KCNQ4: variants seen among roughly 807,000 people sequenced by gnomAD.
The protein encoded by KCNQ4 is potassium voltage-gated channel subfamily Q member 4, also known as potassium voltage-gated channel subfamily KQT member 4.
Under a neutral mutation model 72.6 loss-of-function variants are expected in KCNQ4, and 31 were observed. The observed-to-expected ratio is 0.43, with a 90% CI of 0.32 to 0.58. KCNQ4 has a LOEUF of 0.58. KCNQ4 is among the 20% of genes least tolerant of loss of function. KCNQ4 has a pLI of 0.08. For missense variants in KCNQ4, 869 were observed against 962.6 expected, an observed-to-expected ratio of 0.90 and a Z score of 1.29; for synonymous variants, 405 against 403.7, an observed-to-expected ratio of 1.00 and a Z score of -0.04.
At position 40,838,631 on chromosome 1, in the gene KCNQ4, G is replaced by T; in HGVS notation, c.*108G>T. 9.4e-7 allele frequency: 1 copy of T among 1,061,198 alleles called. No homozygotes were observed. The highest frequency in any genetic ancestry group is 1.4e-6 in the Non-Finnish European group (1 of 693,262). 65.7% of individuals were successfully genotyped at this position (1,061,198 alleles called of 1,614,324 possible). ...TCGTACTTGAACTCACTCCCTCACGGGGAGAGAGACCACACGCAGTATTGA... is the reference window on the plus strand; with the variant it reads ...TCGTACTTGAACTCACTCCCTCACGTGGAGAGAGACCACACGCAGTATTGA... On this transcript the variant is annotated 3_prime_UTR_variant, in exon 14 of 14. Coordinates refer to ENST00000347132, the MANE Select transcript of KCNQ4 (RefSeq NM_004700.4).
intron 8 of KCNQ4, among the ~76,000 whole-genome samples, chr1:40,822,658 G>A (rs1648340555): frequency 6.6e-6 from 1 of 152,204 alleles, no homozygotes; most frequent in Non-Finnish European, 1.5e-5. Context: ...CCCGGCCCTG[G>A]AGTGCTGGCA....
At chr1:40,825,551 G>A (rs1648449845) in intron 9 of KCNQ4, among the ~76,000 whole-genome samples, 1 of 143,842 alleles carries the variant, frequency 7.0e-6, no homozygotes, top group South Asian at 2.1e-4. Context: ...TGAACAGGAA[G>A]TGGGTGGAGA....
At chr1:40,827,732 TACTA>T (rs1301117084) in intron 9 of KCNQ4, among the ~76,000 whole-genome samples, 1 of 152,180 alleles carries the variant, frequency 6.6e-6, no homozygotes, top group Non-Finnish European at 1.5e-5. Flanking sequence ...ACAATCTAGC[TACTA>T]CCCACTATTC....
chr1:40,822,168 CT>C (rs1321184936), intron 7 of KCNQ4, 145 bp from the exon 8 acceptor site: 5 of 697,370 alleles, frequency 7.2e-6, no homozygotes, highest in Non-Finnish European at 5.1e-6. Flanking sequence ...TTGGCTGCCC[CT>C]GTCAGTGGCT....
At chr1:40,793,744 CT>C (rs1647335003) in intron 1 of KCNQ4, among the ~76,000 whole-genome samples, 1 of 152,218 alleles carries the variant, frequency 6.6e-6, no homozygotes, top group Admixed American at 6.5e-5. Flanking sequence ...GCTTTTCCTT[CT>C]GCCTGCAACT....
At chr1:40,831,347 G>T (rs1286946762) in intron 10 of KCNQ4, 43 bp downstream of exon 10, 1 of 1,516,120 alleles carries the variant, frequency 6.6e-7, no homozygotes, top group Non-Finnish European at 9.0e-7. Context: ...GCCGGCTGAG[G>T]GTGGCAGGGC....
chr1:40,838,642 C>T lies in KCNQ4; in HGVS notation c.*119C>T, dbSNP rs966662886. On this transcript the variant is annotated 3_prime_UTR_variant, in exon 14 of 14. Transcript: ENST00000347132. ...CTCACTCCCTCACGGGGAGAGAGAC[C>T]ACACGCAGTATTGAGCTGCCTGAGT... The T allele has an allele frequency of 1.0e-6, 1 of 966,528 alleles. No homozygotes were observed. The allele number at this position is 966,528 out of a possible 1,614,324, so 59.9% of individuals were successfully genotyped here.
intron 9 of KCNQ4, among the ~76,000 whole-genome samples, chr1:40,824,918 C>T (rs1249314973): frequency 1.3e-5 from 2 of 152,194 alleles, no homozygotes; most frequent in Non-Finnish European, 2.9e-5. Flanking sequence ...TACACTTTGG[C>T]GCTCCCAGCC....
intron 9 of KCNQ4, among the ~76,000 whole-genome samples, chr1:40,826,989 T>C (rs1411970113): frequency 1.3e-5 from 2 of 152,188 alleles, no homozygotes; most frequent in African/African-American, 4.8e-5. Context: ...CAGTTTTCCG[T>C]CTGTGGAATG....
At chr1:40,831,444 A>G in intron 10 of KCNQ4, 140 bp downstream of exon 10, 2 of 685,890 alleles carry the variant, frequency 2.9e-6, no homozygotes, top group Non-Finnish European at 5.1e-6. Context: ...TGGTCTTCTC[A>G]TCTGTAAAAT....
intron 10 of KCNQ4, among the ~76,000 whole-genome samples, chr1:40,832,090 C>T (rs1648668913): frequency 6.6e-6 from 1 of 152,246 alleles, no homozygotes; most frequent in African/African-American, 2.4e-5. Context: ...GTGATTTAGG[C>T]AGGAGACTGC....
At chr1:40,822,023 G>A (rs1648311771) in intron 7 of KCNQ4, among the ~76,000 whole-genome samples, 1 of 152,228 alleles carries the variant, frequency 6.6e-6, no homozygotes, top group Non-Finnish European at 1.5e-5. Flanking sequence ...ATAAGGGGCA[G>A]AGCTGGGATT....
chr1:40,833,040 G>A lies in KCNQ4; in HGVS notation c.1540G>A (p.Glu514Lys). ...TGCCCCCTCAGAGGAAGTAGCAGAG[G>A]AGAAGAGCTACCAGTGTGAGCTCAC... The part of the protein sequence containing the change: ...EDAPSEEVAE[E>K]KSYQCELTVD... Residue 514 changes from glutamate to lysine, a missense_variant, in exon 11 of 14, where the codon GAG becomes AAG. Glu to Lys is a moderately conservative substitution (Grantham distance 56). Coordinates refer to ENST00000347132, the MANE Select transcript of KCNQ4 (RefSeq NM_004700.4). The A allele has an allele frequency of 1.2e-6, 2 of 1,613,640 alleles. No homozygotes were observed. Among genetic ancestry groups the A allele is most frequent in the Non-Finnish European group, 1.7e-6 (2 of 1,179,968 alleles).
intron 1 of KCNQ4, among the ~76,000 whole-genome samples, chr1:40,812,391 G>A (rs1647955846): frequency 6.6e-6 from 1 of 151,998 alleles, no homozygotes. Flanking sequence ...CGAGTAGCTG[G>A]GACCACAGAT....
chr1:40,825,281 G>C lies in KCNQ4; in HGVS notation c.1292+1023G>C, dbSNP rs933031601. Among the ~76,000 whole-genome samples the C allele has an allele frequency of 4.8e-4, 73 of 152,198 alleles. 2 individuals are homozygous for C. Among genetic ancestry groups the C allele is most frequent in the Non-Finnish European group, 3.7e-4 (25 of 68,030 alleles). ...GCCCAGAACAAAGAATAGGAGAAGA[G>C]GCGAGCCGCCCAGTGATCAGCAGGG... On this transcript the variant is annotated intron_variant, in intron 9 of 13. Coordinates refer to ENST00000347132, the MANE Select transcript of KCNQ4 (RefSeq NM_004700.4).
chr1:40,818,099 C>A lies in KCNQ4; in HGVS notation c.406-65C>A, dbSNP rs1055199549. ...TAACCCAGGGACTCTTGGCTGGGTC[C>A]GCGCTGTGACCTGGGCCCCAGTTCT... On this transcript the variant is annotated intron_variant, in intron 2 of 13. Coordinates refer to ENST00000347132, the MANE Select transcript of KCNQ4 (RefSeq NM_004700.4). The A allele has an allele frequency of 1.9e-6, 3 of 1,610,180 alleles. No individual in the cohort carries two copies. In the African/African-American group the frequency reaches 4.0e-5, roughly 22 times the overall value.
rs1648882722 is a variant in KCNQ4, at chr1:40,838,562, G to A, written c.*39G>A. Reference sequence around the variant, plus strand: ...GGCAGGGCAGCACACGGCCAGCCCCGCGGCCTGGCGCTCCGACTGCCCTCT... The same window carrying A: ...GGCAGGGCAGCACACGGCCAGCCCCACGGCCTGGCGCTCCGACTGCCCTCT... On this transcript the variant is annotated 3_prime_UTR_variant, in exon 14 of 14. Transcript: ENST00000347132. The A allele has an allele frequency of 1.9e-6, 3 of 1,583,052 alleles. No homozygotes were observed. Among genetic ancestry groups the A allele is most frequent in the African/African-American group, 1.3e-5 (1 of 74,414 alleles).
At chr1:40,785,147 G>C (rs908903211) in intron 1 of KCNQ4, among the ~76,000 whole-genome samples, 1 of 152,186 alleles carries the variant, frequency 6.6e-6, no homozygotes, top group African/African-American at 2.4e-5. Context: ...GAAAAAGAAA[G>C]AGGAGAGGGG....
At chr1:40,800,596 G>A (rs1225519220) in intron 1 of KCNQ4, among the ~76,000 whole-genome samples, 3 of 152,084 alleles carry the variant, frequency 2.0e-5, no homozygotes, top group African/African-American at 7.2e-5. Flanking sequence ...GAACTCTCAG[G>A]CTTCACAGGA....
Sources: allele counts gnomAD v4.1 joint callset (sites outside exome capture counted in the v4.1 genomes callset), GRCh38; gene constraint gnomAD v4.1.1; transcripts MANE v1.5; gene names NCBI Gene and HGNC (gene_info 2026-07-23, HGNC 2026-07-21).